The following SLC47A2 variants were observed in gnomAD, a reference collection of about 807,000 sequenced individuals.
SLC47A2 encodes the protein solute carrier family 47 member 2.
Under a neutral mutation model 67.7 loss-of-function variants are expected in SLC47A2, and 52 were observed. The ratio of observed to expected loss-of-function variants is 0.77; its 90% CI spans 0.61 to 0.97. The LOEUF (loss-of-function observed/expected upper bound fraction) is 0.97, where lower values mean the gene tolerates loss of function less well. Among genes scored for constraint, SLC47A2 ranks in the 50% least tolerant of loss-of-function variants. The probability of loss-of-function intolerance (pLI) is 0.00; values close to 1 mark genes in which losing one functional copy is unlikely to be tolerated. For missense variants in SLC47A2, 676 were observed against 712.3 expected, an observed-to-expected ratio of 0.95 and a Z score of 0.58; for synonymous variants, 278 against 292.9, an observed-to-expected ratio of 0.95 and a Z score of 0.52.
chr17:19,716,763 A>T, upstream of SLC47A2: 1 of 682,414 alleles, frequency 1.5e-6, no homozygotes, highest in Non-Finnish European at 2.3e-6. Flanking sequence ...TGCCTCAGCC[A>T]CTAGGGAGGA....
chr17:19,714,359 G>A (rs1392780978), intron 3 of SLC47A2: 1 of 414,100 alleles, frequency 2.4e-6, no homozygotes, highest in Admixed American at 3.7e-5. Context: ...CCTGCAAGCA[G>A]GGAGGTTCCT....
Position 19,685,985 on chromosome 17 carries a change from G to T in SLC47A2, c.1165-4315C>A, listed in dbSNP as rs552451980. On this transcript the variant is annotated intron_variant, in intron 13 of 16. Coordinates refer to ENST00000433844, the MANE Select transcript of SLC47A2 (RefSeq NM_001099646.3). The surrounding 1 kb of genome is among the most constrained non-coding windows in gnomAD (Gnocchi z 4.5). ...TTAAAAATAATGGATTATTGGCCAG[G>T]CACAGTGGCTGATGTCTGTAATCCC... is the stretch of plus-strand genomic sequence containing the variant. 5.9e-5 allele frequency among the ~76,000 whole-genome samples: 9 copies of T among 152,146 alleles called. No homozygotes were observed. Among genetic ancestry groups the T allele is most frequent in the Non-Finnish European group, 1.2e-4 (8 of 68,034 alleles).
intron 3 of SLC47A2, 101 bp from the exon 4 acceptor site, chr17:19,714,074 G>A (rs910562032): frequency 6.5e-5 from 95 of 1,465,716 alleles, no homozygotes; most frequent in Non-Finnish European, 7.9e-5. Flanking sequence ...GGTGTGTGGC[G>A]GACCCGGCGG....
At chr17:19,684,887 G>A (rs948759408) in intron 13 of SLC47A2, among the ~76,000 whole-genome samples, 1 of 151,778 alleles carries the variant, frequency 6.6e-6, no homozygotes, top group African/African-American at 2.4e-5. Flanking sequence ...CCTCTCTTGC[G>A]GAGCCTGGAC....
At chr17:19,688,579 T>C (rs142993695) in intron 13 of SLC47A2, among the ~76,000 whole-genome samples, 53 of 152,228 alleles carry the variant, frequency 3.5e-4, no homozygotes, top group Admixed American at 5.9e-4. Context: ...GCAGGTGATA[T>C]CATCTTTTTT....
intron 13 of SLC47A2, among the ~76,000 whole-genome samples, chr17:19,693,636 A>C (rs1390131709): frequency 8.5e-6 from 1 of 116,998 alleles, no homozygotes; most frequent in Admixed American, 9.3e-5. Flanking sequence ...TAATAATAAT[A>C]AATAAATAAA....
At chr17:19,714,287 G>C (rs1024518734) in intron 3 of SLC47A2, among the ~76,000 whole-genome samples, 3 of 152,216 alleles carry the variant, frequency 2.0e-5, no homozygotes, top group African/African-American at 7.2e-5. Flanking sequence ...CCAGGGAGAG[G>C]TGAGGCCTTG....
In SLC47A2 at chr17:19,705,521, CG is replaced by C. The variant is rs1567629515; in HGVS notation, c.842-19del. 5 of 1,605,726 alleles carry C rather than the reference CG, an allele frequency of 3.1e-6. No individual in the cohort carries two copies. Among genetic ancestry groups the C allele is most frequent in the Non-Finnish European group, 4.2e-6 (5 of 1,177,620 alleles). ...GAGCAGCCCTAGAGAAGAGGCCCGCCGTGAGTCCGGCCCGCAGCCCCAGACA... is the reference window on the plus strand; with the variant it reads ...GAGCAGCCCTAGAGAAGAGGCCCGCCTGAGTCCGGCCCGCAGCCCCAGACA... On this transcript the variant is annotated intron_variant, in intron 9 of 16. Transcript: ENST00000433844.
intron 13 of SLC47A2, among the ~76,000 whole-genome samples, chr17:19,682,137 G>A (rs1157148494): frequency 6.6e-6 from 1 of 152,116 alleles, no homozygotes; most frequent in Non-Finnish European, 1.5e-5. Context: ...AGGCTGAGGA[G>A]GGCAGATCAC....
chr17:19,697,202 G>A (rs2085683171), intron 13 of SLC47A2, among the ~76,000 whole-genome samples: 1 of 152,238 alleles, frequency 6.6e-6, no homozygotes, highest in South Asian at 2.1e-4. Context: ...GGAGGCTGAG[G>A]CAGGAGAATG....
At chr17:19,706,600 G>T in intron 9 of SLC47A2, 48 bp downstream of exon 9, 1 of 1,475,562 alleles carries the variant, frequency 6.8e-7, no homozygotes. Flanking sequence ...CTTCTGGGCT[G>T]GGTGAGCCGC....
chr17:19,718,868 G>A (rs1269364435), upstream of SLC47A2: 1 of 152,216 alleles, frequency 6.6e-6, no homozygotes, highest in Admixed American at 6.5e-5. Context: ...CTTTTGTGGT[G>A]GTAACTGCAG....
Position 19,680,046 on chromosome 17 carries a change from G to A in SLC47A2, c.1393-7C>T, listed in dbSNP as rs1473898046. The stretch of plus-strand genomic sequence containing the variant: ...GGCCTGAATGTTTCTTAGCCTAAAG[G>A]AGAAAGAACTCAATTGGGTCAACCT... On this transcript the variant is annotated splice_polypyrimidine_tract_variant and splice_region_variant and intron_variant, in intron 15 of 16. Transcript: ENST00000433844. 6.2e-7 allele frequency: 1 copy of A among 1,613,348 alleles called. No individual in the cohort carries two copies. Among genetic ancestry groups the A allele is most frequent in the Non-Finnish European group, 8.5e-7 (1 of 1,179,726 alleles).
intron 9 of SLC47A2, 23 bp downstream of exon 9, chr17:19,706,625 G>T: frequency 6.5e-7 from 1 of 1,544,916 alleles, no homozygotes. Context: ...ACGCCATTGC[G>T]CCCCCCATCC....
chr17:19,704,026 T>G (rs1386534343), intron 11 of SLC47A2, 44 bp downstream of exon 11: 1 of 1,487,884 alleles, frequency 6.7e-7, no homozygotes, highest in South Asian at 1.2e-5. Flanking sequence ...GGCTGGTGAC[T>G]CAGGCCAACG....
At position 19,708,282 on chromosome 17, in the gene SLC47A2, CCACCAGCCCCCGGGCT is replaced by C; in HGVS notation, c.629+4_629+19del. ...GTGGGCAGTGTCCCCTGACCAGGCC[CCACCAGCCCCCGGGCT>C]CACCTGACCCCCAGGTTCAGCACAG... is the stretch of plus-strand genomic sequence containing the variant. On this transcript the variant is annotated splice_donor_5th_base_variant and intron_variant, in intron 7 of 16. Coordinates refer to ENST00000433844, the MANE Select transcript of SLC47A2 (RefSeq NM_001099646.3). The C allele has an allele frequency of 6.2e-7, 1 of 1,611,676 alleles. No individual in the cohort carries two copies. The highest frequency in any genetic ancestry group is 2.2e-4 in the Middle Eastern group (1 of 4,550).
At chr17:19,684,237 A>G (rs1350358370) in intron 13 of SLC47A2, among the ~76,000 whole-genome samples, 1 of 152,180 alleles carries the variant, frequency 6.6e-6, no homozygotes, top group Admixed American at 6.5e-5. Flanking sequence ...GAATTCATAC[A>G]AAGTATGTTC....
Position 19,704,179 on chromosome 17 carries a change from C to T in SLC47A2, c.910-1G>A. The T allele has an allele frequency of 1.2e-6, 2 of 1,601,884 alleles. No homozygotes were observed. The highest frequency in any genetic ancestry group is 1.1e-5 in the South Asian group (1 of 89,100). On this transcript the variant is annotated splice_acceptor_variant, in intron 10 of 16. Transcript: ENST00000433844. LOFTEE classifies it high-confidence loss of function. ...CCCCGATGCTGAGCCCCAAGGGAAT[C>T]TGGGATCAAAGATAAGAAAGCACTG... is the stretch of plus-strand genomic sequence containing the variant.
chr17:19,681,650 C>G lies in SLC47A2; in HGVS notation c.1185G>C (p.Leu395=). The part of the protein sequence containing the change: ...EAICCVYGGV[L]RGTGKQAFGA... ...CAAAGGCCTGCTTCCCAGTTCCTCT[C>G]AGAACTCCGCCATAGACACACTAGG... Residue 395 remains leucine (L), a synonymous_variant, in exon 14 of 17, where the codon CTG becomes CTC. Transcript: ENST00000433844. The G allele has an allele frequency of 2.5e-6, 4 of 1,613,608 alleles. No homozygotes were observed. Among genetic ancestry groups the G allele is most frequent in the Non-Finnish European group, 3.4e-6 (4 of 1,179,616 alleles).
Sources: allele counts gnomAD v4.1 joint callset (sites outside exome capture counted in the v4.1 genomes callset), GRCh38; gene constraint gnomAD v4.1.1; non-coding constraint Gnocchi (gnomAD v3.1); transcripts MANE v1.5; gene names NCBI Gene and HGNC (gene_info 2026-07-23, HGNC 2026-07-21).